The following FLYWCH2 variants were observed in gnomAD, a reference collection of about 807,000 sequenced individuals.
FLYWCH2 encodes the protein FLYWCH family member 2.
FLYWCH2 carries 2 observed loss-of-function variants against 6.0 expected under a neutral mutation model. The observed-to-expected ratio is 0.33, with a 90% CI of 0.14 to 1.04. The LOEUF (loss-of-function observed/expected upper bound fraction) is 1.04, where lower values mean the gene tolerates loss of function less well. Ranked by LOEUF, FLYWCH2 falls within the 50% of genes least tolerant of loss-of-function variation. The pLI is 0.45. For missense variants in FLYWCH2, 192 were observed against 183.4 expected, an observed-to-expected ratio of 1.05 and a Z score of -0.27; for synonymous variants, 87 against 79.3, an observed-to-expected ratio of 1.10 and a Z score of -0.52.
intron 1 of FLYWCH2, among the ~76,000 whole-genome samples, chr16:2,894,100 C>G (rs987960656): frequency 2.6e-5 from 4 of 152,142 alleles, no homozygotes; most frequent in African/African-American, 9.6e-5. Context: ...TTGCACTAAC[C>G]TAATATAAGG....
chr16:2,894,609 C>G (rs1299075034), intron 1 of FLYWCH2, among the ~76,000 whole-genome samples: 1 of 152,210 alleles, frequency 6.6e-6, no homozygotes, highest in African/African-American at 2.4e-5. Flanking sequence ...TTGGCTTGTC[C>G]GGAGGCGGAC....
chr16:2,886,500 G>A (rs777032207), intron 1 of FLYWCH2, among the ~76,000 whole-genome samples: 1 of 144,092 alleles, frequency 6.9e-6, no homozygotes, highest in Non-Finnish European at 1.5e-5. Context: ...GAGCCACCAC[G>A]CCCTGCCCCT....
At chr16:2,898,855 G>A (rs1375705734) in intron 3 of FLYWCH2, 194 bp from the exon 4 acceptor site, 2 of 474,358 alleles carry the variant, frequency 4.2e-6, no homozygotes, top group Non-Finnish European at 7.4e-6. Context: ...GACTTTAGCA[G>A]CTTTTGTGGC....
chr16:2,889,126 GTTT>G (rs201542187), intron 1 of FLYWCH2, among the ~76,000 whole-genome samples: 1 of 96,394 alleles, frequency 1.0e-5, no homozygotes, highest in Non-Finnish European at 2.2e-5. Context: ...AAAATTTGGT[GTTT>G]TTTTGTTGTT....
chr16:2,892,778 A>T (rs1196858504), intron 1 of FLYWCH2, among the ~76,000 whole-genome samples: 1 of 151,302 alleles, frequency 6.6e-6, no homozygotes, highest in Non-Finnish European at 1.5e-5. Flanking sequence ...CAGGAGGTGG[A>T]GGTTGCAGTG....
rs1341804215 is a variant in FLYWCH2, at chr16:2,897,741, G to C, written c.322+970G>C. Among the ~76,000 whole-genome samples, 3 of 152,236 alleles carry C rather than the reference G, an allele frequency of 2.0e-5. No individual in the cohort carries two copies. In the South Asian group the frequency reaches 6.2e-4, roughly 31 times the overall value. ...TGGCCCCACAGCAGGTCCTGCCTCT[G>C]GGCTCTACCAGGGCAGGCAGCGGTG... is the stretch of plus-strand genomic sequence containing the variant. On this transcript the variant is annotated intron_variant, in intron 3 of 3. Coordinates refer to ENST00000396958, the MANE Select transcript of FLYWCH2 (RefSeq NM_138439.3).
At chr16:2,894,532 G>A (rs895925880) in intron 1 of FLYWCH2, among the ~76,000 whole-genome samples, 3 of 152,174 alleles carry the variant, frequency 2.0e-5, no homozygotes, top group African/African-American at 7.2e-5. Context: ...CCAGGTCCCC[G>A]GCATCCCCAC....
chr16:2,897,912 C>G (rs890144315), intron 3 of FLYWCH2, among the ~76,000 whole-genome samples: 1 of 125,244 alleles, frequency 8.0e-6, no homozygotes, highest in Non-Finnish European at 1.7e-5. Flanking sequence ...CTCTGCCGTG[C>G]CCTGAGAAGA....
At chr16:2,884,518 A>AGAGACCAT (rs2069674247) in intron 1 of FLYWCH2, among the ~76,000 whole-genome samples, 1 of 126,354 alleles carries the variant, frequency 7.9e-6, no homozygotes, top group African/African-American at 3.0e-5. Flanking sequence ...GTCAGGAGAT[A>AGAGACCAT]GAGACCATTC....
chr16:2,896,290 G>A, intron 2 of FLYWCH2, 62 bp from the exon 3 acceptor site: 1 of 927,496 alleles, frequency 1.1e-6, no homozygotes, highest in Non-Finnish European at 1.5e-6. Context: ...CTCCCTCCCA[G>A]ATCCACGTCT....
chr16:2,885,091 G>A (rs915409214), intron 1 of FLYWCH2, among the ~76,000 whole-genome samples: 10 of 152,168 alleles, frequency 6.6e-5, no homozygotes, highest in Non-Finnish European at 1.2e-4. Flanking sequence ...GGGAGGCCAA[G>A]GAGGGCGGAT....
rs538320677 is a variant in FLYWCH2, at chr16:2,896,980, C to CTG, written c.322+213_322+214dup. The stretch of plus-strand genomic sequence containing the variant: ...CCTGCCTCTGAGCGGCCTTGCCTCT[C>CTG]TGTGTCTGTTCCCCACTCTGGAATG... On this transcript the variant is annotated intron_variant, in intron 3 of 3. Transcript: ENST00000396958. 2.2e-3 allele frequency: 1,334 copies of CTG among 603,782 alleles called. 3 individuals carry two copies. The highest frequency in any genetic ancestry group is 9.2e-3 in the Middle Eastern group (21 of 2,276). The allele number at this position is 603,782 out of a possible 1,614,324, so 37.4% of individuals were successfully genotyped here.
intron 1 of FLYWCH2, among the ~76,000 whole-genome samples, chr16:2,892,408 A>G (rs2069768072): frequency 6.6e-6 from 1 of 151,902 alleles, no homozygotes; most frequent in African/African-American, 2.4e-5. Context: ...AGACAGGAGA[A>G]TATCTTCAAC....
At position 2,896,609 on chromosome 16, in the gene FLYWCH2, G is replaced by C; in HGVS notation, c.160G>C (p.Val54Leu). Residue 54 changes from valine to leucine, a missense_variant, in exon 3 of 4, where the codon GTG becomes CTG. Transcript: ENST00000396958. The stretch of plus-strand genomic sequence containing the variant: ...CACAGCCTCCAAAGACAGCACCAAG[G>C]TGGCGGGGGCCAAGCGCAAGGGTGT... ...LLTASKDSTK[V>L]AGAKRKGVHC... 6.2e-7 allele frequency: 1 copy of C among 1,614,112 alleles called. No individual in the cohort carries two copies.
intron 3 of FLYWCH2, among the ~76,000 whole-genome samples, chr16:2,897,487 A>G (rs2069836765): frequency 1.3e-5 from 2 of 151,906 alleles, no homozygotes; most frequent in African/African-American, 4.8e-5. Flanking sequence ...GAGTGATGGG[A>G]TGGATGGAGG....
rs536984903 is a variant in FLYWCH2, at chr16:2,886,223, C to T, written c.-200+2857C>T. On this transcript the variant is annotated intron_variant, in intron 1 of 3. Transcript: ENST00000396958. ...TTAGACGGAGTACCACTTTGATGCC[C>T]AGGCTGCAGTGCAGTGTAGTGCAGT... Among the ~76,000 whole-genome samples, 366 of 151,880 alleles carry T rather than the reference C, an allele frequency of 2.4e-3. 1 individual carries two copies. Among genetic ancestry groups the T allele is most frequent in the African/African-American group, 8.3e-3 (343 of 41,418 alleles).
In FLYWCH2 at chr16:2,899,108, A is replaced by C. The variant is rs374160385; in HGVS notation, c.382A>C (p.Asn128His). The C allele has an allele frequency of 1.9e-5, 30 of 1,613,458 alleles. No individual in the cohort carries two copies. The highest frequency in any genetic ancestry group is 2.5e-5 in the Non-Finnish European group (29 of 1,179,850). The change falls in exon 4 of 4, where the codon AAC becomes CAC. Residue 128 changes from asparagine (N) to histidine (H), a missense_variant. Transcript: ENST00000396958. Reference sequence around the variant, plus strand: ...GGGGCCTCCTGAGGCTGCTGGGGAGAACTTTGCCCCCTGCTCTGTGGCGCC... The same window carrying C: ...GGGGCCTCCTGAGGCTGCTGGGGAGCACTTTGCCCCCTGCTCTGTGGCGCC... ...AAGPPEAAGE[N>H]FAPCSVAPGK...
In FLYWCH2 at chr16:2,885,044, C is replaced by T. The variant is rs143864647; in HGVS notation, c.-200+1678C>T. Among the ~76,000 whole-genome samples the T allele has an allele frequency of 1.6e-4, 25 of 152,014 alleles. No homozygotes were observed. The East Asian group carries it at 4.1e-3, about 25-fold the overall frequency. On this transcript the variant is annotated intron_variant, in intron 1 of 3. Transcript: ENST00000396958. ...ACCCATTTAAAGTGTACATTTCGGCCGGGCGCGGTGGCTCACGCCTGTTAT... is the reference window on the plus strand; with the variant it reads ...ACCCATTTAAAGTGTACATTTCGGCTGGGCGCGGTGGCTCACGCCTGTTAT...
At chr16:2,898,705 C>T (rs11076918) in intron 3 of FLYWCH2, 75,266 of 219,318 alleles carry the variant, frequency 0.34, 13,350 homozygotes, top group South Asian at 0.45. Context: ...CCAGGGGTCC[C>T]GCAGGCAATC....
Sources: allele counts gnomAD v4.1 joint callset (sites outside exome capture counted in the v4.1 genomes callset), GRCh38; gene constraint gnomAD v4.1.1; transcripts MANE v1.5; gene names NCBI Gene and HGNC (gene_info 2026-07-23, HGNC 2026-07-21).